The following NHSL1 variants were observed in gnomAD, a reference collection of about 807,000 sequenced individuals.
The protein encoded by NHSL1 is NHS-like protein 1.
NHSL1 carries 48 observed loss-of-function variants against 95.0 expected under a neutral mutation model. That is an observed-to-expected ratio of 0.51 (90% CI 0.40 to 0.64). NHSL1 has a LOEUF of 0.64. NHSL1 is among the 30% of genes least tolerant of loss of function. The pLI is 0.00. For missense variants in NHSL1, 1,971 were observed against 2,077.7 expected (o/e 0.95, Z 1.00); for synonymous variants, 783 against 833.9 (o/e 0.94, Z 1.05).
intron 2 of NHSL1, among the ~76,000 whole-genome samples, chr6:138,487,139 TGGA>T (rs1779778881): frequency 6.6e-6 from 1 of 151,880 alleles, no homozygotes; most frequent in Non-Finnish European, 1.5e-5. Context: ...AAAAATTGGG[TGGA>T]GGAGTAGAGA....
At chr6:138,500,640 A>T (rs569291070), upstream of NHSL1, among the ~76,000 whole-genome samples, 11 of 152,262 alleles carry the variant, frequency 7.2e-5, 1 homozygote, top group South Asian at 2.3e-3. Flanking sequence ...GTCAAAGAAT[A>T]AAATTTATAT....
chr6:138,503,094 C>A (rs1168778768), upstream of NHSL1, among the ~76,000 whole-genome samples: 1 of 152,134 alleles, frequency 6.6e-6, no homozygotes, highest in Non-Finnish European at 1.5e-5. Context: ...GATTTTATTT[C>A]AATTTTTAAA....
At chr6:138,518,911 G>A (rs976697005) in intron 1 of NHSL1, among the ~76,000 whole-genome samples, 16 of 152,052 alleles carry the variant, frequency 1.1e-4, no homozygotes, top group African/African-American at 2.2e-4. Flanking sequence ...CCAGCTACTC[G>A]GGAGGCTGAG....
intron 1 of NHSL1, among the ~76,000 whole-genome samples, chr6:138,629,497 C>T (rs1784788857): frequency 6.6e-6 from 1 of 152,194 alleles, no homozygotes; most frequent in Non-Finnish European, 1.5e-5. Context: ...ATTCTCCTGC[C>T]TCAGCCTCCC....
intron 4 of NHSL1, among the ~76,000 whole-genome samples, chr6:138,446,002 G>C (rs898128263): frequency 6.6e-6 from 1 of 151,576 alleles, no homozygotes; most frequent in Non-Finnish European, 1.5e-5. Flanking sequence ...CTCCTTGTGG[G>C]CTATGGAGGT....
chr6:138,572,848 T>TAGATAGATAGATAGATAGAG (rs768540626), upstream of NHSL1, among the ~76,000 whole-genome samples: 25 of 5,200 alleles, frequency 4.8e-3, no homozygotes, highest in African/African-American at 0.036. Flanking sequence ...CTTAATACAG[T>TAGATAGATAGATAGATAGAG]AGATAGATAG....
At chr6:138,553,524 A>G (rs1783087351) in intron 1 of NHSL1, among the ~76,000 whole-genome samples, 2 of 152,212 alleles carry the variant, frequency 1.3e-5, no homozygotes. Flanking sequence ...CTGGAACATG[A>G]TAGGTGATCC....
At chr6:138,603,484 G>A (rs770371981) in intron 1 of NHSL1, among the ~76,000 whole-genome samples, 1 of 152,154 alleles carries the variant, frequency 6.6e-6, no homozygotes, top group South Asian at 2.1e-4. Flanking sequence ...ATAGTGTTTT[G>A]AAGGTCTTTT....
At chr6:138,544,820 G>C (rs1236739079) in intron 1 of NHSL1, among the ~76,000 whole-genome samples, 1 of 151,914 alleles carries the variant, frequency 6.6e-6, no homozygotes, top group Non-Finnish European at 1.5e-5. Context: ...ATAAGAGTTG[G>C]AAGAAAAATA....
intron 1 of NHSL1, among the ~76,000 whole-genome samples, chr6:138,656,916 T>G (rs1785164380): frequency 6.6e-6 from 1 of 152,224 alleles, no homozygotes; most frequent in African/African-American, 2.4e-5. Flanking sequence ...TGCCTGTGTC[T>G]ATCACCTCAT....
intron 1 of NHSL1, among the ~76,000 whole-genome samples, chr6:138,529,087 A>G (rs1782028296): frequency 6.6e-6 from 1 of 152,222 alleles, no homozygotes; most frequent in Non-Finnish European, 1.5e-5. Flanking sequence ...CAAAGTCAGC[A>G]TATAATAGCA....
At chr6:138,614,723 G>A (rs1784555739) in intron 1 of NHSL1, among the ~76,000 whole-genome samples, 1 of 152,154 alleles carries the variant, frequency 6.6e-6, no homozygotes, top group African/African-American at 2.4e-5. Flanking sequence ...CACACAGCAG[G>A]AGGTGAGTGG....
chr6:138,576,241 C>T (rs905569217), upstream of NHSL1, among the ~76,000 whole-genome samples: 1 of 152,156 alleles, frequency 6.6e-6, no homozygotes, highest in African/African-American at 2.4e-5. Flanking sequence ...ATCTGCCCGC[C>T]TCAGCCTCCC....
intron 1 of NHSL1, among the ~76,000 whole-genome samples, chr6:138,559,603 A>G (rs1289699274): frequency 6.6e-6 from 1 of 152,194 alleles, no homozygotes. Context: ...TCCAACACCA[A>G]GACAACAGTG....
intron 1 of NHSL1, among the ~76,000 whole-genome samples, chr6:138,670,449 G>A (rs2114758445): frequency 6.6e-6 from 1 of 150,838 alleles, no homozygotes; most frequent in South Asian, 2.1e-4. Flanking sequence ...GGCGGATCAC[G>A]AGGTCAGGAG....
upstream of NHSL1, among the ~76,000 whole-genome samples, chr6:138,502,471 A>G (rs1280041293): frequency 6.6e-6 from 1 of 151,676 alleles, no homozygotes; most frequent in African/African-American, 2.4e-5. Context: ...CATATATGAC[A>G]GTGGCGGAAA....
At chr6:138,540,410 T>C (rs1160379441) in intron 1 of NHSL1, among the ~76,000 whole-genome samples, 5 of 152,194 alleles carry the variant, frequency 3.3e-5, no homozygotes, top group Admixed American at 3.3e-4. Context: ...ATTACCAGAT[T>C]TAAGAAGGGG....
At chr6:138,473,243 A>T (rs1426195716) in intron 3 of NHSL1, 63 bp downstream of exon 3, 1 of 1,322,422 alleles carries the variant, frequency 7.6e-7, no homozygotes, top group Non-Finnish European at 9.9e-7. Context: ...CAGTTTGTCC[A>T]CATATATCCT....
intron 1 of NHSL1, among the ~76,000 whole-genome samples, chr6:138,584,888 C>T (rs60666697): frequency 0.029 from 4,369 of 152,176 alleles, 201 homozygotes; most frequent in African/African-American, 0.1. Flanking sequence ...AGCCCAGCCA[C>T]GCAGGCATTT....
Sources: allele counts gnomAD v4.1 joint callset (sites outside exome capture counted in the v4.1 genomes callset), GRCh38; gene constraint gnomAD v4.1.1; transcripts MANE v1.5; gene names NCBI Gene and HGNC (gene_info 2026-07-23, HGNC 2026-07-21).